Variants in METTL21C observed in about 807,000 individuals in gnomAD.
METTL21C encodes the protein methyltransferase 21C, AARS1 lysine.
In METTL21C, 21 loss-of-function variants were observed where a neutral mutation model predicts 25.9. The ratio of observed to expected loss-of-function variants is 0.81; its 90% confidence interval spans 0.58 to 1.17. The LOEUF (loss-of-function observed/expected upper bound fraction) is 1.17. Among genes scored for constraint, METTL21C ranks in the 50% most tolerant of loss-of-function variants. The probability of loss-of-function intolerance (pLI) is 0.00; values close to 1 mark genes in which losing one functional copy is unlikely to be tolerated. For synonymous variants in METTL21C, 125 were observed against 124.7 expected (o/e 1.00, Z -0.01); for missense variants, 312 against 315.1 (o/e 0.99, Z 0.07).
upstream of METTL21C, among the ~76,000 whole-genome samples, chr13:102,699,173 T>C (rs2138896877): frequency 6.6e-6 from 1 of 152,266 alleles, no homozygotes; most frequent in Admixed American, 6.5e-5. Flanking sequence ...ACCCTTCTTC[T>C]CACCCAGTGC....
chr13:102,687,454 T>C (rs1885705392), intron 2 of METTL21C, among the ~76,000 whole-genome samples: 1 of 152,262 alleles, frequency 6.6e-6, no homozygotes, highest in South Asian at 2.1e-4. Context: ...AGAGAGTTTT[T>C]TAAATTATAG....
At chr13:102,702,642 C>T in the METTL21C span, among the ~76,000 whole-genome samples, 2 of 151,426 alleles carry the variant, frequency 1.3e-5, no homozygotes, top group South Asian at 2.1e-4. Context: ...GGCTGGAGTG[C>T]AATGGCGCAA....
chr13:102,697,874 T>C (rs907800678), upstream of METTL21C, among the ~76,000 whole-genome samples: 22 of 152,078 alleles, frequency 1.4e-4, no homozygotes, highest in African/African-American at 4.3e-4. Context: ...CTTAACCCCA[T>C]GGGGAGACAC....
rs556350284 is a variant in METTL21C, at chr13:102,693,618, T to C, written c.130+751A>G. 2.0e-4 allele frequency among the ~76,000 whole-genome samples: 30 copies of C among 152,330 alleles called. 1 individual carries two copies. Among genetic ancestry groups the C allele is most frequent in the Admixed American group, 1.8e-3 (28 of 15,300 alleles). On this transcript the variant is annotated intron_variant, in intron 1 of 3. Coordinates refer to ENST00000267273, the MANE Select transcript of METTL21C (RefSeq NM_001010977.3). ...GACAGCTGCACTTTTCCAATCAACA[T>C]TGTAAGGAAACATAGACATACACGT... is the stretch of plus-strand genomic sequence containing the variant.
the METTL21C span, among the ~76,000 whole-genome samples, chr13:102,700,061 C>T: frequency 1.3e-5 from 2 of 152,168 alleles, no homozygotes; most frequent in Non-Finnish European, 2.9e-5. Context: ...GTCAGACTTG[C>T]GAACATGGAA....
intron 2 of METTL21C, among the ~76,000 whole-genome samples, chr13:102,688,348 T>C (rs1461113396): frequency 2.0e-5 from 3 of 152,214 alleles, no homozygotes; most frequent in South Asian, 2.1e-4. Context: ...CTCTACTGTC[T>C]GGGAACTCAG....
At chr13:102,697,168 A>C (rs1055483492), upstream of METTL21C, among the ~76,000 whole-genome samples, 4 of 152,136 alleles carry the variant, frequency 2.6e-5, no homozygotes, top group African/African-American at 9.7e-5. Context: ...ACAAGATTGG[A>C]TCAAAGGCTC....
chr13:102,694,457 C>T lies in METTL21C; in HGVS notation c.42G>A (p.Arg14=), dbSNP rs367816866. Residue 14 remains arginine, a synonymous_variant, in exon 1 of 4, where the codon CGG becomes CGA. Transcript: ENST00000267273. ...CLSSAQQPGR[R]GEGLSSPGGW... ...CACCCGGGGAGCTGAGTCCTTCCCC[C>T]CGGCGCCCAGGCTGCTGCGCGGAGC... is the stretch of plus-strand genomic sequence containing the variant. The T allele has an allele frequency of 1.2e-5, 17 of 1,459,134 alleles. No individual in the cohort carries two copies. The highest frequency in any genetic ancestry group is 3.5e-5 in the South Asian group (3 of 86,190). 90.4% of individuals were successfully genotyped at this position (1,459,134 alleles called of 1,614,324 possible). A position where few individuals can be genotyped will look rare whatever the true frequency, so the allele number is the denominator to read the frequency against.
At chr13:102,701,625 A>G in the METTL21C span, among the ~76,000 whole-genome samples, 2 of 151,614 alleles carry the variant, frequency 1.3e-5, no homozygotes, top group East Asian at 1.9e-4. Context: ...GTGTGTGTGT[A>G]TGTGCGTGTG....
intron 2 of METTL21C, among the ~76,000 whole-genome samples, chr13:102,688,847 CT>C (rs1176933645): frequency 1.5e-5 from 2 of 132,522 alleles, no homozygotes; most frequent in Admixed American, 1.6e-4. Flanking sequence ...ACAGCTGTGT[CT>C]TTTGACATTG....
Position 102,695,029 on chromosome 13 carries a change from T to C in METTL21C, c.-531A>G, listed in dbSNP as rs1431414209. ...CCCCTGTGGCATCCAGTTGCTGCGATGTGGTTCGAAACGTTAGACTTCCAG... is the reference window on the plus strand; with the variant it reads ...CCCCTGTGGCATCCAGTTGCTGCGACGTGGTTCGAAACGTTAGACTTCCAG... On this transcript the variant is annotated 5_prime_UTR_variant, in exon 1 of 4. Coordinates refer to ENST00000267273, the MANE Select transcript of METTL21C (RefSeq NM_001010977.3). Among the ~76,000 whole-genome samples, 1 of 152,092 alleles carries C rather than the reference T, an allele frequency of 6.6e-6. No homozygotes were observed. The highest frequency in any genetic ancestry group is 1.5e-5 in the Non-Finnish European group (1 of 68,008).
rs55715774 is a variant in METTL21C, at chr13:102,694,900, TCACACA to T, written c.-408_-403del. ...CTCTCTCTCTCTCTCTCTCTCTCTC[TCACACA>T]CACACACACACACACACACACACGC... On this transcript the variant is annotated 5_prime_UTR_variant, in exon 1 of 4. The change creates a premature stop within an existing upstream ORF in the 5' untranslated region. Transcript: ENST00000267273. Among the ~76,000 whole-genome samples, 83 of 135,480 alleles carry T rather than the reference TCACACA, an allele frequency of 6.1e-4. No individual in the cohort carries two copies. Among genetic ancestry groups the T allele is most frequent in the South Asian group, 1.2e-3 (5 of 4,078 alleles). 88.9% of individuals were successfully genotyped at this position (135,480 alleles called of 152,430 possible). A position where few individuals can be genotyped will look rare whatever the true frequency, so the allele number is the denominator to read the frequency against.
rs999653969 is a variant in METTL21C at position 102,694,915 on chromosome 13, C to G, written c.-417G>C. Among the ~76,000 whole-genome samples the G allele has an allele frequency of 6.6e-6, 1 of 151,860 alleles. No individual in the cohort carries two copies. Among genetic ancestry groups the G allele is most frequent in the African/African-American group, 2.4e-5 (1 of 41,306 alleles). On this transcript the variant is annotated 5_prime_UTR_variant, in exon 1 of 4. Transcript: ENST00000267273. ...TCTCTCTCTCTCACACACACACACA[C>G]ACACACACACACACGCACAGTCCTA...
chr13:102,690,425 GAAAA>G (rs1163380445), intron 2 of METTL21C, among the ~76,000 whole-genome samples: 1 of 111,166 alleles, frequency 9.0e-6, no homozygotes, highest in Admixed American at 9.8e-5. Context: ...CATCTCAAAA[GAAAA>G]AAAAAAAAAA....
intron 2 of METTL21C, 122 bp downstream of exon 2, chr13:102,690,691 A>C: frequency 8.5e-7 from 1 of 1,174,500 alleles, no homozygotes; most frequent in Non-Finnish European, 1.2e-6. Flanking sequence ...GGGGGCAAGC[A>C]ACTGAACCTC....
upstream of METTL21C, among the ~76,000 whole-genome samples, chr13:102,697,181 T>G (rs899128857): frequency 6.6e-6 from 1 of 152,096 alleles, no homozygotes; most frequent in African/African-American, 2.4e-5. Context: ...AAAGGCTCAA[T>G]AAGGAGGCTA....
chr13:102,694,265 T>C (rs1469076041), intron 1 of METTL21C, 104 bp downstream of exon 1: 2 of 1,315,536 alleles, frequency 1.5e-6, no homozygotes, highest in African/African-American at 1.5e-5. Flanking sequence ...AAAAATCTAA[T>C]GTTAAAAGGA....
At chr13:102,701,785 A>G in the METTL21C span, among the ~76,000 whole-genome samples, 646 of 152,304 alleles carry the variant, frequency 4.2e-3, 4 homozygotes, top group African/African-American at 0.015. Flanking sequence ...ACTAAAGAAG[A>G]AAAACTATAT....
chr13:102,685,830 T>G lies in METTL21C; in HGVS notation c.*201A>C. The G allele has an allele frequency of 1.9e-6, 1 of 516,606 alleles. No individual in the cohort carries two copies. Among genetic ancestry groups the G allele is most frequent in the Non-Finnish European group, 3.3e-6 (1 of 305,930 alleles). The allele number at this position is 516,606 out of a possible 1,614,324, so 32.0% of individuals were successfully genotyped here. On this transcript the variant is annotated 3_prime_UTR_variant, in exon 4 of 4. Coordinates refer to ENST00000267273, the MANE Select transcript of METTL21C (RefSeq NM_001010977.3). ...CTTTCATGTTTTTATGTTGTTCTTT[T>G]TAGATATTTAGATTAACCAGATAAT...
Sources: allele counts gnomAD v4.1 joint callset (sites outside exome capture counted in the v4.1 genomes callset), GRCh38; gene constraint gnomAD v4.1.1; transcripts MANE v1.5; gene names NCBI Gene and HGNC (gene_info 2026-07-23, HGNC 2026-07-21).